Variants in IQCM observed in about 807,000 individuals in gnomAD.
IQCM encodes the protein IQ domain-containing protein M.
Under a neutral mutation model 57.6 loss-of-function variants are expected in IQCM, and 45 were observed. The observed-to-expected ratio is 0.78, with a 90% confidence interval of 0.62 to 1.00. IQCM has a LOEUF of 1.00. Among genes scored for constraint, IQCM ranks in the 50% least tolerant of loss-of-function variants. The probability of loss-of-function intolerance (pLI) is 0.00; values close to 1 mark genes in which losing one functional copy is unlikely to be tolerated. For missense variants in IQCM, 468 were observed against 511.6 expected (o/e 0.91, Z 0.82); for synonymous variants, 148 against 158.9 (o/e 0.93, Z 0.51).
At chr4:149,626,648 C>CA (rs145780748) in intron 7 of IQCM, among the ~76,000 whole-genome samples, 31,988 of 151,416 alleles carry the variant, frequency 0.21, 4,219 homozygotes, top group Non-Finnish European at 0.28. Flanking sequence ...AAAAATTGTT[C>CA]AAAAAAATAA....
intron 13 of IQCM, among the ~76,000 whole-genome samples, chr4:149,409,700 G>A (rs1733234635): frequency 1.3e-5 from 2 of 152,124 alleles, no homozygotes; most frequent in South Asian, 2.1e-4. Context: ...AAATATTCCT[G>A]TTCTCCCTGG....
At chr4:149,445,090 T>G (rs1440483500) in intron 12 of IQCM, among the ~76,000 whole-genome samples, 1 of 151,912 alleles carries the variant, frequency 6.6e-6, no homozygotes. Context: ...CCCTGAAGCA[T>G]GATCAAGAGA....
chr4:149,364,167 G>A (rs1017667319), intron 13 of IQCM, among the ~76,000 whole-genome samples: 1 of 152,096 alleles, frequency 6.6e-6, no homozygotes, highest in African/African-American at 2.4e-5. Context: ...AAAATGACCA[G>A]GCACCCTTTC....
chr4:149,463,617 A>G (rs141156895), intron 12 of IQCM, among the ~76,000 whole-genome samples: 236 of 152,318 alleles, frequency 1.5e-3, no homozygotes, highest in Non-Finnish European at 2.9e-3. Flanking sequence ...TGAAATTGTG[A>G]TGGCTAAATT....
chr4:149,773,467 A>C (rs1770785898), intron 2 of IQCM, among the ~76,000 whole-genome samples: 1 of 152,204 alleles, frequency 6.6e-6, no homozygotes, highest in Admixed American at 6.5e-5. Flanking sequence ...CACTCTTCTT[A>C]ATCTTGTTTT....
intron 2 of IQCM, among the ~76,000 whole-genome samples, chr4:149,748,205 C>A (rs970825847): frequency 6.6e-6 from 1 of 152,094 alleles, no homozygotes; most frequent in African/African-American, 2.4e-5. Context: ...TACCTCCCAC[C>A]CACCTTCAAC....
intron 8 of IQCM, among the ~76,000 whole-genome samples, chr4:149,608,553 CAT>C: frequency 1.3e-5 from 2 of 151,708 alleles, no homozygotes; most frequent in Non-Finnish European, 3.0e-5. Flanking sequence ...ACATTGAAAT[CAT>C]ATGAAGTACC....
At chr4:149,423,321 C>T (rs557367924) in intron 13 of IQCM, among the ~76,000 whole-genome samples, 6 of 152,140 alleles carry the variant, frequency 3.9e-5, no homozygotes, top group African/African-American at 1.2e-4. Flanking sequence ...TGAGAACTCA[C>T]ACACCATCAT....
At chr4:149,577,814 C>T (rs539430481) in intron 9 of IQCM, among the ~76,000 whole-genome samples, 26 of 151,788 alleles carry the variant, frequency 1.7e-4, no homozygotes, top group Non-Finnish European at 3.2e-4. Flanking sequence ...TACATTGCTT[C>T]GGGCGGTATG....
intron 12 of IQCM, among the ~76,000 whole-genome samples, chr4:149,458,672 G>A (rs1737954130): frequency 6.6e-6 from 1 of 151,974 alleles, no homozygotes; most frequent in Non-Finnish European, 1.5e-5. Flanking sequence ...TTTACCCAAT[G>A]TTCTTATAGA....
chr4:149,723,814 G>C (rs1280270797), intron 5 of IQCM, among the ~76,000 whole-genome samples: 1 of 151,996 alleles, frequency 6.6e-6, no homozygotes, highest in Non-Finnish European at 1.5e-5. Flanking sequence ...GAATGAGTTA[G>C]GGTGGATTTC....
chr4:149,614,710 C>T (rs931727064), intron 8 of IQCM, among the ~76,000 whole-genome samples: 1 of 152,086 alleles, frequency 6.6e-6, no homozygotes, highest in Non-Finnish European at 1.5e-5. Flanking sequence ...CTAACACTAA[C>T]GATAGCTGGT....
intron 13 of IQCM, among the ~76,000 whole-genome samples, chr4:149,428,430 A>C (rs1242909388): frequency 6.6e-6 from 1 of 151,850 alleles, no homozygotes; most frequent in Non-Finnish European, 1.5e-5. Flanking sequence ...GTTCAGAGAG[A>C]AGTGCCAAAA....
intron 10 of IQCM, among the ~76,000 whole-genome samples, chr4:149,563,244 C>CAGCAAAGACATCAA (rs1207154130): frequency 6.6e-6 from 1 of 152,066 alleles, no homozygotes; most frequent in Non-Finnish European, 1.5e-5. Flanking sequence ...AGAAAATGAA[C>CAGCAAAGACATCAA]AGACAGCAAA....
chr4:149,569,808 A>T (rs1350404697), intron 9 of IQCM, among the ~76,000 whole-genome samples: 3 of 152,126 alleles, frequency 2.0e-5, no homozygotes, highest in Non-Finnish European at 4.4e-5. Flanking sequence ...AGAAAACTTC[A>T]TATGGTAATC....
At chr4:149,365,566 G>T (rs531053743) in intron 13 of IQCM, among the ~76,000 whole-genome samples, 2 of 152,116 alleles carry the variant, frequency 1.3e-5, no homozygotes, top group African/African-American at 4.8e-5. Context: ...AAGGGAAGGG[G>T]TAGCTTTATA....
chr4:149,516,804 G>A (rs2134667), intron 12 of IQCM, among the ~76,000 whole-genome samples: 23,627 of 151,892 alleles, frequency 0.16, 2,203 homozygotes, highest in South Asian at 0.33. Flanking sequence ...GCCACCAGGA[G>A]ACACTATGAT....
chr4:149,667,282 C>A (rs905489681), intron 7 of IQCM, among the ~76,000 whole-genome samples: 1 of 152,106 alleles, frequency 6.6e-6, no homozygotes, highest in Admixed American at 6.5e-5. Context: ...GATACCCAGG[C>A]AAACAGGGCC....
At chr4:149,428,635 G>GA (rs1384950985) in intron 13 of IQCM, among the ~76,000 whole-genome samples, 9 of 151,760 alleles carry the variant, frequency 5.9e-5, no homozygotes, top group African/African-American at 2.2e-4. Flanking sequence ...AATCAGCCTT[G>GA]ACTGTCAAGG....
Sources: gnomAD v4.1 joint callset for allele counts (sites outside exome capture counted in the v4.1 genomes callset) on GRCh38, gnomAD v4.1.1 for gene constraint, MANE v1.5 for transcripts, NCBI Gene and HGNC (gene_info 2026-07-23, HGNC 2026-07-21) for gene names.